Variants in NSD1 observed in about 807,000 individuals in gnomAD.
The protein encoded by NSD1 is nuclear receptor binding SET domain protein 1.
A neutral mutation model predicts 242.7 loss-of-function variants in NSD1; 26 were observed. That is an observed-to-expected ratio of 0.11 (90% confidence interval 0.08 to 0.15). NSD1 has a LOEUF of 0.15. Ranked by LOEUF, NSD1 falls within the 10% of genes least tolerant of loss-of-function variation. NSD1 has a pLI of 1.00. For synonymous variants in NSD1, 1,106 were observed against 1,178.1 expected, an observed-to-expected ratio of 0.94 and a Z score of 1.25; for missense variants, 2,495 against 3,272.8, an observed-to-expected ratio of 0.76 and a Z score of 5.80.
intron 3 of NSD1, among the ~76,000 whole-genome samples, chr5:177,199,537 G>A (rs534868222): frequency 2.6e-5 from 4 of 151,768 alleles, no homozygotes; most frequent in African/African-American, 4.9e-5. Context: ...GATTATAGGC[G>A]TGAAGCCTCT....
intron 11 of NSD1, among the ~76,000 whole-genome samples, chr5:177,249,662 A>G (rs1425120036): frequency 1.3e-5 from 2 of 151,854 alleles, no homozygotes; most frequent in Non-Finnish European, 2.9e-5. Flanking sequence ...AATTTTTTGT[A>G]TTTTTTGGTA....
At chr5:177,277,754 T>A (rs1758515188) in intron 17 of NSD1, among the ~76,000 whole-genome samples, 1 of 152,126 alleles carries the variant, frequency 6.6e-6, no homozygotes, top group Admixed American at 6.5e-5. Flanking sequence ...CCCAGCTACC[T>A]GAATCACCTG....
At chr5:177,288,983 A>G in intron 21 of NSD1, 58 bp downstream of exon 21, 1 of 1,147,736 alleles carries the variant, frequency 8.7e-7, no homozygotes, top group East Asian at 2.3e-5. Context: ...CCTCCCTAAC[A>G]GTGTTAGGGC....
chr5:177,233,088 T>A (rs1235095279), intron 5 of NSD1, among the ~76,000 whole-genome samples: 2 of 152,218 alleles, frequency 1.3e-5, no homozygotes, highest in Non-Finnish European at 2.9e-5. Context: ...TTTCTTTTCT[T>A]TTTTTGGAGA....
At chr5:177,219,218 G>T (rs151152088) in intron 5 of NSD1, among the ~76,000 whole-genome samples, 1 of 151,038 alleles carries the variant, frequency 6.6e-6, no homozygotes, top group Non-Finnish European at 1.5e-5. Context: ...AGGGAGTCTC[G>T]CTCTGTCGCC....
rs1336033950 is a variant in NSD1, at chr5:177,210,414, C to G, written c.2015C>G (p.Thr672Arg). Residue 672 changes from threonine to arginine, a missense_variant, in exon 5 of 23, where the codon ACA (threonine) becomes AGA (arginine). By Grantham distance (71) the Thr-to-Arg change is moderately conservative. This residue lies in a region of NSD1 where 515 missense variants were observed against 467.0 expected (regional missense o/e 1.10). Transcript: ENST00000439151. ...VLEIPDAFDR[T>R]ENMLSMQKNE... is the part of the protein sequence containing the mutation. ...GAAATTCCAGATGCTTTCGATAGAA[C>G]AGAGAACATGTTATCTATGCAGAAA... is the stretch of plus-strand genomic sequence containing the variant. The G allele has an allele frequency of 6.2e-7, 1 of 1,614,112 alleles. No homozygotes were observed. Among genetic ancestry groups the G allele is most frequent in the Admixed American group, 1.7e-5 (1 of 60,018 alleles).
chr5:177,187,823 C>T lies in NSD1; in HGVS notation c.928-4061C>T, dbSNP rs74292771. Among the ~76,000 whole-genome samples the T allele has an allele frequency of 6.5e-3, 997 of 152,298 alleles. 13 individuals are homozygous for T. Among genetic ancestry groups the T allele is most frequent in the East Asian group, 0.027 (139 of 5,186 alleles). On this transcript the variant is annotated intron_variant, in intron 2 of 22. Transcript: ENST00000439151. ...ACCCTTGTGACTTCATCTGGATCAA[C>T]TGCAAAGACCCTACTTTCAAATAAG...
intron 20 of NSD1, 128 bp downstream of exon 20, chr5:177,284,056 T>A: frequency 8.3e-7 from 1 of 1,207,676 alleles, no homozygotes; most frequent in Non-Finnish European, 1.2e-6. Context: ...TAAGTTCATT[T>A]ACATTTTTGT....
intron 2 of NSD1, among the ~76,000 whole-genome samples, chr5:177,187,061 A>T (rs1040905773): frequency 2.7e-5 from 4 of 150,368 alleles, no homozygotes; most frequent in Non-Finnish European, 5.9e-5. Flanking sequence ...AGTTATTCAG[A>T]TATGGATTTA....
chr5:177,208,772 C>T (rs1417518664), intron 4 of NSD1, among the ~76,000 whole-genome samples: 1 of 151,844 alleles, frequency 6.6e-6, no homozygotes, highest in African/African-American at 2.4e-5. Context: ...AGTGCAATGG[C>T]GTGATCTCCA....
At chr5:177,146,242 G>A (rs1243432698) in intron 2 of NSD1, among the ~76,000 whole-genome samples, 3 of 127,662 alleles carry the variant, frequency 2.3e-5, no homozygotes, top group Non-Finnish European at 4.7e-5. Flanking sequence ...GTCTCCATCT[G>A]ATGCCCAGGC....
chr5:177,193,286 G>A (rs1238656943), intron 3 of NSD1, among the ~76,000 whole-genome samples: 2 of 152,026 alleles, frequency 1.3e-5, no homozygotes, highest in African/African-American at 2.4e-5. Context: ...GACTACAGGC[G>A]TCCGCCACCA....
intron 2 of NSD1, among the ~76,000 whole-genome samples, chr5:177,154,796 A>G (rs1192310918): frequency 6.6e-6 from 1 of 152,020 alleles, no homozygotes; most frequent in Non-Finnish European, 1.5e-5. Context: ...CCTGGGTTCA[A>G]GTGATTCTCC....
At position 177,211,981 on chromosome 5, in the gene NSD1, C is replaced by A; in HGVS notation, c.3582C>A (p.Asp1194Glu). The change falls in exon 5 of 23, where the codon GAC (aspartate) becomes GAA (glutamate). Residue 1194 changes from aspartate to glutamate, a missense_variant. By Grantham distance (45) the Asp-to-Glu change is conservative. Around this residue, in one of 19 missense-constraint regions of NSD1, gnomAD observed 426 missense variants for 411.4 expected, o/e 1.04. Transcript: ENST00000439151. ...CCTTTAGGGTCTTACTTCCTAGTGA[C>A]CCTGTGCAGGAGGGGCGGGATGAGT... ...ECAFRVLLPS[D>E]PVQEGRDEFP... The A allele has an allele frequency of 2.5e-6, 4 of 1,612,854 alleles. No homozygotes were observed. Among genetic ancestry groups the A allele is most frequent in the Non-Finnish European group, 3.4e-6 (4 of 1,179,050 alleles).
intron 2 of NSD1, among the ~76,000 whole-genome samples, chr5:177,171,733 A>G (rs922687421): frequency 3.3e-5 from 5 of 152,172 alleles, no homozygotes; most frequent in Admixed American, 2.0e-4. Context: ...TGTCTGGTGT[A>G]TTTCACTTAG....
At chr5:177,132,154 C>T (rs1755926248), upstream of NSD1, among the ~76,000 whole-genome samples, 1 of 152,110 alleles carries the variant, frequency 6.6e-6, no homozygotes, top group African/African-American at 2.4e-5. This position sits in a 1 kb window ranked among gnomAD's most constrained non-coding sequence, Gnocchi z 7.5. Flanking sequence ...GCTGCGCCAG[C>T]GGGCTTGTCC....
chr5:177,159,050 A>AATGATATATATATATATATAT (rs1758506925), intron 2 of NSD1, among the ~76,000 whole-genome samples: 1 of 121,178 alleles, frequency 8.3e-6, no homozygotes, highest in African/African-American at 4.4e-5. Context: ...TATATATATG[A>AATGATATATATATATATATAT]ATGAATGAAT....
chr5:177,280,623 G>A lies in NSD1; in HGVS notation c.5681G>A (p.Arg1894His), dbSNP rs1315206249. The A allele has an allele frequency of 5.6e-6, 9 of 1,614,172 alleles. No individual in the cohort carries two copies. Among genetic ancestry groups the A allele is most frequent in the African/African-American group, 1.3e-5 (1 of 75,044 alleles). ...IFTADLSEIP[R>H]CNCKATDENP... is the part of the protein sequence containing the mutation. The stretch of plus-strand genomic sequence containing the variant: ...ACTGCAGACTTATCTGAAATACCCC[G>A]TTGCAACTGTAAAGCTACTGATGAG... Residue 1894 changes from arginine (R) to histidine (H), a missense_variant, in exon 18 of 23, where the codon CGT (arginine) becomes CAT (histidine). Around this residue, in one of 19 missense-constraint regions of NSD1, gnomAD observed 114 missense variants for 247.4 expected, o/e 0.46. Transcript: ENST00000439151.
intron 2 of NSD1, among the ~76,000 whole-genome samples, chr5:177,158,999 TA>T (rs1758467998): frequency 1.8e-3 from 24 of 13,048 alleles, no homozygotes; most frequent in Non-Finnish European, 2.2e-3. Flanking sequence ...TGAATGATTT[TA>T]TATATATATA....
Sources: allele counts gnomAD v4.1 joint callset (sites outside exome capture counted in the v4.1 genomes callset), GRCh38; gene constraint gnomAD v4.1.1; regional missense constraint gnomAD v4.1.1; non-coding constraint Gnocchi (gnomAD v3.1); transcripts MANE v1.5; gene names NCBI Gene and HGNC (gene_info 2026-07-23, HGNC 2026-07-21).